CDKL4: variants seen among roughly 807,000 people sequenced by gnomAD.
CDKL4 encodes the protein cyclin-dependent kinase-like 4.
CDKL4 carries 44 observed loss-of-function variants against 42.0 expected under a neutral mutation model. The observed-to-expected ratio is 1.05, with a 90% CI of 0.82 to 1.35. The LOEUF is 1.35. Among genes scored for constraint, CDKL4 ranks in the 40% most tolerant of loss-of-function variants. The pLI is 0.00. For missense variants in CDKL4, 393 were observed against 369.9 expected (o/e 1.06, Z -0.51); for synonymous variants, 120 against 121.6 (o/e 0.99, Z 0.09).
intron 1 of CDKL4, among the ~76,000 whole-genome samples, chr2:39,229,838 T>TG (rs1678987304): frequency 6.6e-6 from 1 of 152,230 alleles, no homozygotes; most frequent in Non-Finnish European, 1.5e-5. Context: ...AAAGAATTTG[T>TG]GGAAAGGAAA....
chr2:39,178,261 G>T (rs564084650), intron 9 of CDKL4, among the ~76,000 whole-genome samples: 3 of 152,158 alleles, frequency 2.0e-5, no homozygotes, highest in Non-Finnish European at 2.9e-5. Flanking sequence ...ACTATTAAAA[G>T]GTTGGGAAAA....
At position 39,225,471 on chromosome 2, in the gene CDKL4, G is replaced by A. The variant is rs138618514; in HGVS notation, c.290+368C>T. Among the ~76,000 whole-genome samples, 13 of 151,142 alleles carry A rather than the reference G, an allele frequency of 8.6e-5. No homozygotes were observed. The East Asian group carries it at 2.5e-3, about 29-fold the overall frequency. On this transcript the variant is annotated intron_variant, in intron 3 of 9. Coordinates refer to ENST00000451199, the Ensembl canonical transcript of CDKL4. ...TAAAAAAAAATCAGGAAAGGATGTT[G>A]AATTTATCAACATTTCAAATTTTCA...
intron 8 of CDKL4, among the ~76,000 whole-genome samples, chr2:39,179,574 C>T (rs1292457976): frequency 6.6e-6 from 1 of 152,230 alleles, no homozygotes; most frequent in East Asian, 1.9e-4. Flanking sequence ...GGTGTTCCCA[C>T]CAATGACATT....
At chr2:39,216,064 G>C (rs529014790) in intron 3 of CDKL4, among the ~76,000 whole-genome samples, 8 of 152,298 alleles carry the variant, frequency 5.3e-5, no homozygotes, top group Admixed American at 1.3e-4. Flanking sequence ...GGTTGCTTGA[G>C]TTCAAATCCC....
intron 9 of CDKL4, among the ~76,000 whole-genome samples, chr2:39,176,421 C>T (rs1558540246): frequency 1.3e-5 from 2 of 152,102 alleles, no homozygotes; most frequent in African/African-American, 4.8e-5. Context: ...TTGTACCCAC[C>T]TCAAAAAAAT....
chr2:39,185,267 T>C (rs1401672741), intron 7 of CDKL4, among the ~76,000 whole-genome samples: 2 of 55,708 alleles, frequency 3.6e-5, no homozygotes, highest in Admixed American at 3.0e-4. Flanking sequence ...TATATATACA[T>C]ATATATACAC....
At chr2:39,235,208 A>G (rs975933654) in intron 1 of CDKL4, among the ~76,000 whole-genome samples, 1 of 152,172 alleles carries the variant, frequency 6.6e-6, no homozygotes, top group African/African-American at 2.4e-5. Flanking sequence ...AACTCAAGGA[A>G]TACTGTACCC....
At chr2:39,193,010 C>T (rs1422446888) in intron 5 of CDKL4, among the ~76,000 whole-genome samples, 1 of 151,370 alleles carries the variant, frequency 6.6e-6, no homozygotes, top group Non-Finnish European at 1.5e-5. Flanking sequence ...TGCCTGTGGT[C>T]CCAGCTACAT....
At chr2:39,224,125 G>T (rs1373326961) in intron 3 of CDKL4, among the ~76,000 whole-genome samples, 2 of 151,966 alleles carry the variant, frequency 1.3e-5, no homozygotes, top group Non-Finnish European at 2.9e-5. Flanking sequence ...ATTCATTCTG[G>T]CAAATAGTTT....
chr2:39,205,165 A>G (rs74371576), intron 4 of CDKL4, among the ~76,000 whole-genome samples: 3,805 of 152,280 alleles, frequency 0.025, 55 homozygotes, highest in Middle Eastern at 0.031. Context: ...AACTGAGCTA[A>G]ACCCTGTCTC....
At chr2:39,207,801 G>A (rs1677295191) in intron 4 of CDKL4, among the ~76,000 whole-genome samples, 1 of 152,136 alleles carries the variant, frequency 6.6e-6, no homozygotes, top group African/African-American at 2.4e-5. Flanking sequence ...TTAAAAGGGA[G>A]TAAAAACAAT....
chr2:39,234,072 C>A (rs1040377512), intron 1 of CDKL4, among the ~76,000 whole-genome samples: 1 of 151,768 alleles, frequency 6.6e-6, no homozygotes, highest in Non-Finnish European at 1.5e-5. Context: ...TGCCACCACT[C>A]CCGGCTAATT....
chr2:39,204,067 C>G (rs1338185998), intron 5 of CDKL4, among the ~76,000 whole-genome samples: 1 of 152,196 alleles, frequency 6.6e-6, no homozygotes, highest in Non-Finnish European at 1.5e-5. Context: ...TTTCCGTTTT[C>G]TTAGCACTCT....
chr2:39,229,430 A>C (rs772678564), exon 2 of CDKL4: 1 of 1,613,092 alleles, frequency 6.2e-7, no homozygotes, highest in African/African-American at 1.3e-5. Context: ...GATTCCACAA[A>C]TTTTTTAACA....
At chr2:39,209,355 G>A (rs2148345454) in intron 4 of CDKL4, among the ~76,000 whole-genome samples, 1 of 151,350 alleles carries the variant, frequency 6.6e-6, no homozygotes, top group East Asian at 1.9e-4. Flanking sequence ...ATTTTGAGAT[G>A]AAGCCCCTGT....
chr2:39,197,213 C>T (rs1676569422), intron 5 of CDKL4, among the ~76,000 whole-genome samples: 1 of 152,136 alleles, frequency 6.6e-6, no homozygotes, highest in Non-Finnish European at 1.5e-5. Context: ...CAGAACTGCA[C>T]AAGTTCAAGA....
chr2:39,229,472 A>C (rs1347676630), exon 2 of CDKL4: 1 of 1,613,448 alleles, frequency 6.2e-7, no homozygotes, highest in African/African-American at 1.3e-5. Context: ...TTGTTTCTGC[A>C]TTTGAATACA....
At chr2:39,230,732 T>G (rs902563016) in intron 1 of CDKL4, among the ~76,000 whole-genome samples, 1 of 152,218 alleles carries the variant, frequency 6.6e-6, no homozygotes, top group African/African-American at 2.4e-5. Flanking sequence ...GCACTTAACA[T>G]TGTTCTATAC....
chr2:39,179,352 T>G, intron 8 of CDKL4, 31 bp from the exon 9 acceptor site: 5 of 1,533,516 alleles, frequency 3.3e-6, no homozygotes, highest in Non-Finnish European at 1.8e-6. Flanking sequence ...AAAGAAGATG[T>G]TAAGGGAGGG....
Sources: allele counts gnomAD v4.1 joint callset (sites outside exome capture counted in the v4.1 genomes callset), GRCh38; gene constraint gnomAD v4.1.1; transcripts MANE v1.5; gene names NCBI Gene and HGNC (gene_info 2026-07-23, HGNC 2026-07-21).